Variants in OSBPL1A observed in about 807,000 individuals in gnomAD.
The protein encoded by OSBPL1A is oxysterol-binding protein-related protein 1.
In OSBPL1A, 80 loss-of-function variants were observed where a neutral mutation model predicts 137.1. The observed-to-expected ratio is 0.58, with a 90% confidence interval of 0.49 to 0.70. The LOEUF (loss-of-function observed/expected upper bound fraction) is 0.70, where lower values mean the gene tolerates loss of function less well. Ranked by LOEUF, OSBPL1A falls within the 30% of genes least tolerant of loss-of-function variation. The pLI is 0.00. For synonymous variants in OSBPL1A, 365 were observed against 389.7 expected (o/e 0.94, Z 0.75); for missense variants, 970 against 1,129.4 (o/e 0.86, Z 2.02).
chr18:24,203,524 C>G (rs1230694318), intron 17 of OSBPL1A, among the ~76,000 whole-genome samples: 1 of 152,180 alleles, frequency 6.6e-6, no homozygotes, highest in Non-Finnish European at 1.5e-5. Flanking sequence ...GTATATCTTT[C>G]TTTGTAATAC....
chr18:24,326,471 C>G (rs551898358), intron 7 of OSBPL1A, among the ~76,000 whole-genome samples: 143 of 152,348 alleles, frequency 9.4e-4, no homozygotes, highest in African/African-American at 3.3e-3. Context: ...GGTACTAACA[C>G]ATTATCTCCC....
chr18:24,218,816 G>A (rs550694672), intron 17 of OSBPL1A, among the ~76,000 whole-genome samples: 20 of 152,196 alleles, frequency 1.3e-4, no homozygotes, highest in African/African-American at 4.3e-4. Flanking sequence ...AGTTTAAAGT[G>A]TTCTCACCAT....
chr18:24,218,563 C>T lies in OSBPL1A; in HGVS notation c.1601+6479G>A, dbSNP rs142428786. On this transcript the variant is annotated intron_variant, in intron 17 of 27. Coordinates refer to ENST00000319481, the MANE Select transcript of OSBPL1A (RefSeq NM_080597.4). ...GGTTCAAGCGATTCTCCCACCTCAG[C>T]CTTCTGAGTAGCTGGGATTACAGGC... Among the ~76,000 whole-genome samples, 4 of 152,264 alleles carry T rather than the reference C, an allele frequency of 2.6e-5. No individual in the cohort carries two copies. The East Asian group carries it at 7.7e-4, about 29-fold the overall frequency.
intron 18 of OSBPL1A, among the ~76,000 whole-genome samples, chr18:24,194,464 T>C (rs981227909): frequency 6.6e-6 from 1 of 152,188 alleles, no homozygotes; most frequent in East Asian, 1.9e-4. Context: ...AACTAAGGGT[T>C]TGAAAAATAC....
chr18:24,243,017 C>A lies in OSBPL1A; in HGVS notation c.1282-3635G>T, dbSNP rs552099487. 3.1e-4 allele frequency among the ~76,000 whole-genome samples: 47 copies of A among 152,194 alleles called. 1 individual carries two copies. The South Asian group carries it at 9.7e-3, about 32-fold the overall frequency. ...CAAGGACTACATGAGGCGGGCAGAT[C>A]ACTTGACTTCGAGACCAGCCTGGCC... On this transcript the variant is annotated intron_variant, in intron 15 of 27. Transcript: ENST00000319481.
Position 24,239,303 on chromosome 18 carries a change from T to C in OSBPL1A, c.1361A>G (p.His454Arg). 1.9e-6 allele frequency: 3 copies of C among 1,614,150 alleles called. No homozygotes were observed. The highest frequency in any genetic ancestry group is 4.5e-5 in the East Asian group (2 of 44,890). ...SEALETLATE[H>R]HELEQSLVKG... ...CACCAGAGACTGCTCTAATTCATGA[T>C]GTTCAGTGGCCAGCGTCTCCAGTGC... Residue 454 changes from histidine (H) to arginine (R), a missense_variant, in exon 16 of 28, where the codon CAT becomes CGT. His to Arg is a conservative substitution (Grantham distance 29, BLOSUM62 0). Around this residue, in one of 2 missense-constraint regions of OSBPL1A, gnomAD observed 647 missense variants for 672.6 expected, o/e 0.96. Transcript: ENST00000319481.
chr18:24,176,020 A>AC (rs149233667), intron 21 of OSBPL1A, among the ~76,000 whole-genome samples: 1 of 152,358 alleles, frequency 6.6e-6, no homozygotes, highest in African/African-American at 2.4e-5. Flanking sequence ...TAGTTTGGCC[A>AC]CCACCACACT....
intron 14 of OSBPL1A, among the ~76,000 whole-genome samples, chr18:24,283,292 ATATATATATATG>A (rs2090001037): frequency 8.2e-6 from 1 of 121,302 alleles, no homozygotes; most frequent in Non-Finnish European, 1.8e-5. Context: ...ATATATATAT[ATATATATATATG>A]TATATATATA....
intron 7 of OSBPL1A, among the ~76,000 whole-genome samples, chr18:24,328,179 C>A (rs553143879): frequency 6.9e-6 from 1 of 145,106 alleles, no homozygotes; most frequent in East Asian, 2.0e-4. Flanking sequence ...GTAGCTGGGA[C>A]TACCAGGTAC....
chr18:24,171,016 T>C lies in OSBPL1A; in HGVS notation c.2291+393A>G, dbSNP rs1377947833. 1.3e-5 allele frequency among the ~76,000 whole-genome samples: 2 copies of C among 151,858 alleles called. 1 individual carries two copies. Among genetic ancestry groups the C allele is most frequent in the Admixed American group, 1.3e-4 (2 of 15,246 alleles). Reference sequence around the variant, plus strand: ...ATTCTTCAACTTATTAGAATGCTTGTTTCCTAGGTTATGGCAATTTTTTTT... The same window carrying C: ...ATTCTTCAACTTATTAGAATGCTTGCTTCCTAGGTTATGGCAATTTTTTTT... On this transcript the variant is annotated intron_variant, in intron 23 of 27. Transcript: ENST00000319481.
chr18:24,387,292 C>T (rs1410477101), intron 1 of OSBPL1A, among the ~76,000 whole-genome samples: 4 of 151,976 alleles, frequency 2.6e-5, no homozygotes, highest in Non-Finnish European at 4.4e-5. Context: ...TGGGCTCAAG[C>T]GATCCACCTG....
At position 24,317,157 on chromosome 18, in the gene OSBPL1A, C is replaced by T. The variant is rs368628821; in HGVS notation, c.862G>A (p.Val288Ile). 1.2e-6 allele frequency: 2 copies of T among 1,613,786 alleles called. No homozygotes were observed. Among genetic ancestry groups the T allele is most frequent in the Admixed American group, 1.7e-5 (1 of 59,950 alleles). Residue 288 changes from valine (V) to isoleucine (I), a missense_variant, in exon 11 of 28, where the codon GTA becomes ATA. By Grantham distance (29) the Val-to-Ile change is conservative. Coordinates refer to ENST00000319481, the MANE Select transcript of OSBPL1A (RefSeq NM_080597.4). ...RQGCKHLTQA[V>I]CTVKSTDSCL... ...TCCATGTTTCATCCTACCGTGCATA[C>T]TGCTTGAGTCAGGTGTTTGCATCCC...
intron 17 of OSBPL1A, among the ~76,000 whole-genome samples, chr18:24,211,895 C>G (rs1024968036): frequency 7.4e-6 from 1 of 135,724 alleles, no homozygotes; most frequent in Non-Finnish European, 1.6e-5. Flanking sequence ...GGCAACAGAG[C>G]GAAACTCCAT....
chr18:24,283,302 A>ATATATG (rs1259396315), intron 14 of OSBPL1A, among the ~76,000 whole-genome samples: 12 of 95,142 alleles, frequency 1.3e-4, no homozygotes, highest in Admixed American at 1.2e-3. Flanking sequence ...ATATATATAT[A>ATATATG]TGTATATATA....
chr18:24,386,357 A>G (rs2144270406), intron 1 of OSBPL1A, among the ~76,000 whole-genome samples: 1 of 152,302 alleles, frequency 6.6e-6, no homozygotes, highest in South Asian at 2.1e-4. Flanking sequence ...AGCAATTTGG[A>G]CATTCTCTCA....
At chr18:24,363,955 G>A (rs1446246250) in intron 4 of OSBPL1A, among the ~76,000 whole-genome samples, 2 of 151,516 alleles carry the variant, frequency 1.3e-5, no homozygotes, top group African/African-American at 4.9e-5. Flanking sequence ...CACTTCTAAG[G>A]ACACCTGTGA....
intron 1 of OSBPL1A, among the ~76,000 whole-genome samples, chr18:24,382,482 T>G (rs975120993): frequency 5.4e-5 from 8 of 149,364 alleles, no homozygotes; most frequent in African/African-American, 1.7e-4. Context: ...GAGGCTGAGG[T>G]AGGAGGATCA....
At chr18:24,194,266 T>C (rs1425200407) in intron 18 of OSBPL1A, among the ~76,000 whole-genome samples, 2 of 152,230 alleles carry the variant, frequency 1.3e-5, no homozygotes, top group African/African-American at 4.8e-5. Flanking sequence ...GCAGTGTTTT[T>C]CAAATGGTGG....
At chr18:24,273,062 A>C (rs275870) in intron 15 of OSBPL1A, among the ~76,000 whole-genome samples, 85,512 of 151,840 alleles carry the variant, frequency 0.56, 25,434 homozygotes, top group African/African-American at 0.71. Context: ...TGCACCACCA[A>C]ACCCAGCTAA....
Sources: allele counts gnomAD v4.1 joint callset (sites outside exome capture counted in the v4.1 genomes callset), GRCh38; gene constraint gnomAD v4.1.1; regional missense constraint gnomAD v4.1.1; transcripts MANE v1.5; gene names NCBI Gene and HGNC (gene_info 2026-07-23, HGNC 2026-07-21).